Variants in GSG1L observed in about 807,000 individuals in gnomAD.
The protein encoded by GSG1L is GSG1 like.
Under a neutral mutation model 42.1 loss-of-function variants are expected in GSG1L, and 24 were observed. The ratio of observed to expected loss-of-function variants is 0.57; its 90% CI spans 0.41 to 0.80. The LOEUF (loss-of-function observed/expected upper bound fraction) is 0.80. Among genes scored for constraint, GSG1L ranks in the 30% least tolerant of loss-of-function variants. GSG1L has a pLI of 0.00. For missense variants in GSG1L, 445 were observed against 472.2 expected (o/e 0.94, Z 0.53); for synonymous variants, 215 against 203.5 (o/e 1.06, Z -0.48).
intron 6 of GSG1L, among the ~76,000 whole-genome samples, chr16:27,800,350 A>C (rs1184305198): frequency 6.6e-6 from 1 of 152,164 alleles, no homozygotes; most frequent in Non-Finnish European, 1.5e-5. Context: ...ATCTAGATGG[A>C]GCTCCCAGAA....
At chr16:27,979,733 A>AAAAG (rs1555512113) in intron 1 of GSG1L, among the ~76,000 whole-genome samples, 1 of 65,328 alleles carries the variant, frequency 1.5e-5, no homozygotes, top group African/African-American at 5.7e-5. Context: ...GAAGGAAAGA[A>AAAAG]AAAGAAAGAA....
intron 1 of GSG1L, among the ~76,000 whole-genome samples, chr16:28,012,537 G>C (rs2085732688): frequency 6.6e-6 from 1 of 151,868 alleles, no homozygotes; most frequent in Non-Finnish European, 1.5e-5. Context: ...TGTCATCATA[G>C]AGCTTACAAA....
At chr16:28,008,996 A>G (rs2085679698) in intron 1 of GSG1L, among the ~76,000 whole-genome samples, 1 of 152,048 alleles carries the variant, frequency 6.6e-6, no homozygotes, top group Non-Finnish European at 1.5e-5. Flanking sequence ...TTTAGTAGAG[A>G]CAGGGTTTCG....
intron 1 of GSG1L, among the ~76,000 whole-genome samples, chr16:28,035,006 G>T (rs2086015811): frequency 6.6e-6 from 1 of 152,030 alleles, no homozygotes; most frequent in South Asian, 2.1e-4. Flanking sequence ...ACTAATTGCA[G>T]CTGTGTTTTA....
chr16:27,912,077 C>T (rs1396055120), intron 2 of GSG1L, among the ~76,000 whole-genome samples: 1 of 152,160 alleles, frequency 6.6e-6, no homozygotes, highest in Non-Finnish European at 1.5e-5. Flanking sequence ...TGACCACCTG[C>T]TTTGTGGTGG....
At chr16:27,831,527 G>C (rs1047935984) in intron 4 of GSG1L, among the ~76,000 whole-genome samples, 1 of 152,184 alleles carries the variant, frequency 6.6e-6, no homozygotes, top group South Asian at 2.1e-4. Flanking sequence ...GCCCAGTCAG[G>C]GGACAGAGCA....
At chr16:27,873,983 T>C (rs2083854573) in intron 3 of GSG1L, among the ~76,000 whole-genome samples, 1 of 152,270 alleles carries the variant, frequency 6.6e-6, no homozygotes, top group Middle Eastern at 3.4e-3. Flanking sequence ...GGCCTCTCCC[T>C]TAATGTGTCA....
chr16:27,898,920 C>T (rs914223695), intron 2 of GSG1L, among the ~76,000 whole-genome samples: 5 of 152,142 alleles, frequency 3.3e-5, no homozygotes, highest in Non-Finnish European at 5.9e-5. Flanking sequence ...CTCCCTTTAC[C>T]GAGGGCAGGT....
At chr16:27,990,419 T>C (rs529208882) in intron 1 of GSG1L, among the ~76,000 whole-genome samples, 7 of 152,204 alleles carry the variant, frequency 4.6e-5, no homozygotes, top group South Asian at 2.1e-4. Flanking sequence ...ACTGGACACA[T>C]TGGAAATACT....
intron 2 of GSG1L, among the ~76,000 whole-genome samples, chr16:27,913,087 T>G (rs1567516215): frequency 1.3e-5 from 2 of 152,096 alleles, no homozygotes; most frequent in Non-Finnish European, 2.9e-5. Context: ...CCTCCCAAAG[T>G]GCTGGGATTA....
intron 5 of GSG1L, among the ~76,000 whole-genome samples, chr16:27,811,813 TA>T (rs1250382581): frequency 6.6e-6 from 1 of 152,160 alleles, no homozygotes; most frequent in Non-Finnish European, 1.5e-5. Flanking sequence ...CATGTTTGGT[TA>T]TTTTTTTTAT....
intron 1 of GSG1L, among the ~76,000 whole-genome samples, chr16:27,987,260 T>C (rs1290209427): frequency 6.6e-6 from 1 of 151,374 alleles, no homozygotes; most frequent in Non-Finnish European, 1.5e-5. Flanking sequence ...TAAAATAAAA[T>C]AGAAATGTCT....
intron 3 of GSG1L, among the ~76,000 whole-genome samples, chr16:27,848,353 G>T (rs2083466636): frequency 6.6e-6 from 1 of 152,210 alleles, no homozygotes; most frequent in Non-Finnish European, 1.5e-5. Flanking sequence ...GGTGCTTGGG[G>T]ATGTTGGGCT....
intron 3 of GSG1L, among the ~76,000 whole-genome samples, chr16:27,854,815 G>A (rs1239577826): frequency 1.3e-5 from 2 of 152,182 alleles, no homozygotes; most frequent in Admixed American, 6.5e-5. Flanking sequence ...CTCACCTGAA[G>A]GATGATGGAG....
intron 2 of GSG1L, among the ~76,000 whole-genome samples, chr16:27,891,509 A>G (rs1342946940): frequency 6.6e-6 from 1 of 152,102 alleles, no homozygotes; most frequent in Non-Finnish European, 1.5e-5. Context: ...TTTATCACCC[A>G]GGCTGGAGTG....
At chr16:27,876,080 C>A (rs1293551135) in intron 3 of GSG1L, among the ~76,000 whole-genome samples, 3 of 152,114 alleles carry the variant, frequency 2.0e-5, no homozygotes, top group Non-Finnish European at 4.4e-5. Context: ...ATAAAAGGAT[C>A]TTTAATAATA....
intron 2 of GSG1L, among the ~76,000 whole-genome samples, chr16:27,952,237 C>T (rs2084957979): frequency 6.6e-6 from 1 of 152,226 alleles, no homozygotes; most frequent in Non-Finnish European, 1.5e-5. Context: ...CTCTGTACAG[C>T]CCCGTCGGGC....
rs528065813 is a variant in GSG1L, at chr16:27,810,074, C to T, written c.831-2520G>A. On this transcript the variant is annotated intron_variant, in intron 5 of 6. Transcript: ENST00000447459. ...TCATTCACCAGGAACTTCCTGAGGA[C>T]CTTCTCTGTTGGCACCAGATGCTGT... is the stretch of plus-strand genomic sequence containing the variant. Among the ~76,000 whole-genome samples the T allele has an allele frequency of 2.6e-5, 4 of 152,362 alleles. No individual in the cohort carries two copies. In the South Asian group the frequency reaches 6.2e-4, roughly 24 times the overall value.
chr16:27,982,497 C>G (rs187491248), intron 1 of GSG1L, among the ~76,000 whole-genome samples: 8 of 152,304 alleles, frequency 5.3e-5, no homozygotes, highest in Admixed American at 1.3e-4. Flanking sequence ...TCTCTTTCCT[C>G]TTCCACCTAG....
Sources: allele counts gnomAD v4.1 joint callset (sites outside exome capture counted in the v4.1 genomes callset), GRCh38; gene constraint gnomAD v4.1.1; transcripts MANE v1.5; gene names NCBI Gene and HGNC (gene_info 2026-07-23, HGNC 2026-07-21).